The following DUOX2 variants were observed in gnomAD, a reference collection of about 807,000 sequenced individuals.
DUOX2 encodes NADH/NADPH thyroid oxidase p138-tox.
In DUOX2, 185 loss-of-function variants were observed where a neutral mutation model predicts 183.3. That is an observed-to-expected ratio of 1.01 (90% CI 0.90 to 1.14). The LOEUF is 1.14. Among genes scored for constraint, DUOX2 ranks in the 50% most tolerant of loss-of-function variants. The probability of loss-of-function intolerance (pLI) is 0.00; values close to 1 mark genes in which losing one functional copy is unlikely to be tolerated. For missense variants in DUOX2, 1,999 were observed against 2,022.9 expected (o/e 0.99, Z 0.23); for synonymous variants, 788 against 812.4 (o/e 0.97, Z 0.51).
chr15:45,096,797 C>T (rs1331742096), intron 29 of DUOX2, among the ~76,000 whole-genome samples: 1 of 152,058 alleles, frequency 6.6e-6, no homozygotes, highest in African/African-American at 2.4e-5. Context: ...CATCTTTTGC[C>T]ACCCTCTATG....
At chr15:45,107,542 T>C in intron 13 of DUOX2, 79 bp from the exon 14 acceptor site, 1 of 1,479,612 alleles carries the variant, frequency 6.8e-7, no homozygotes, top group Non-Finnish European at 9.4e-7. Context: ...AGGACCCAGG[T>C]GAGAAAAGAG....
At position 45,101,220 on chromosome 15, in the gene DUOX2, C is replaced by T. The variant is rs146664125; in HGVS notation, c.2906G>A (p.Arg969Gln). The T allele has an allele frequency of 6.9e-4, 1,109 of 1,613,710 alleles. 2 individuals carry two copies. The highest frequency in any genetic ancestry group is 8.0e-4 in the Non-Finnish European group (946 of 1,179,904). The stretch of plus-strand genomic sequence containing the variant: ...TCCTGCTCACCGCTCCCCAGGTGTC[C>T]GAGTGATGAACGAGACTCGACAGCT... ...NISCRVSFIT[R>Q]TPGERSHPQG... Residue 969 changes from arginine (R) to glutamine (Q), a missense_variant, in exon 22 of 34, where the codon CGG becomes CAG. Around this residue, in one of 3 missense-constraint regions of DUOX2, gnomAD observed 1,628 missense variants for 1,608.6 expected, o/e 1.01. Coordinates refer to ENST00000389039, the MANE Select transcript of DUOX2 (RefSeq NM_001363711.2).
chr15:45,108,799 A>G lies in DUOX2; in HGVS notation c.1388T>C (p.Val463Ala), dbSNP rs759477611. 4 of 1,614,254 alleles carry G rather than the reference A, an allele frequency of 2.5e-6. No individual in the cohort carries two copies. The South Asian group carries it at 4.4e-5, about 18-fold the overall frequency. The change falls in exon 12 of 34, where the codon GTG becomes GCG. Residue 463 changes from valine to alanine, a missense_variant. This residue lies in a region of DUOX2 where 1,628 missense variants were observed against 1,608.6 expected (regional missense o/e 1.01). Transcript: ENST00000389039. The part of the protein sequence containing the change: ...PRNWSDLNPN[V>A]DPQVLEATAA... Reference sequence around the variant, plus strand: ...ATTACTATTCCTGACCTGGGGGTCCACATTAGGGTTGAGATCACTCCAGTT... The same window carrying G: ...ATTACTATTCCTGACCTGGGGGTCCGCATTAGGGTTGAGATCACTCCAGTT...
At chr15:45,101,647 A>C in intron 21 of DUOX2, 146 bp downstream of exon 21, 1 of 1,019,900 alleles carries the variant, frequency 9.8e-7, no homozygotes, top group Non-Finnish European at 1.5e-6. Flanking sequence ...GCACACCTAC[A>C]TGTGCCATCC....
Position 45,109,942 on chromosome 15 carries a change from C to A in DUOX2, c.1079G>T (p.Gly360Val), listed in dbSNP as rs762148198. ...SCHFRKVLNK[G>V]FQSSQALRVC... ...CCTGAGAGCTTGGGAGCTTTGAAAACCCTTGTTCAGGACCTTCCGGAAATG... is the reference window on the plus strand; with the variant it reads ...CCTGAGAGCTTGGGAGCTTTGAAAAACCTTGTTCAGGACCTTCCGGAAATG... Residue 360 changes from glycine (G) to valine (V), a missense_variant, in exon 10 of 34, where the codon GGT (glycine) becomes GTT (valine). This residue lies in a region of DUOX2 where 1,628 missense variants were observed against 1,608.6 expected (regional missense o/e 1.01). Coordinates refer to ENST00000389039, the MANE Select transcript of DUOX2 (RefSeq NM_001363711.2). 2 of 1,614,076 alleles carry A rather than the reference C, an allele frequency of 1.2e-6. No individual in the cohort carries two copies. Among genetic ancestry groups the A allele is most frequent in the Non-Finnish European group, 1.7e-6 (2 of 1,179,988 alleles).
intron 4 of DUOX2, 87 bp downstream of exon 4, chr15:45,112,467 C>A: frequency 6.4e-7 from 1 of 1,551,396 alleles, no homozygotes; most frequent in East Asian, 2.3e-5. Flanking sequence ...GATGGGTCTC[C>A]TGTGGACTCG....
intron 22 of DUOX2, 132 bp downstream of exon 22, chr15:45,101,073 T>C (rs1414944272): frequency 2.4e-6 from 2 of 838,220 alleles, no homozygotes; most frequent in East Asian, 5.3e-5. Context: ...CTGGAATGTT[T>C]GTGCTACCAT....
In DUOX2 at chr15:45,095,080, G is replaced by A. The variant is rs763971157; in HGVS notation, c.4251C>T (p.Ile1417=). The change falls in exon 32 of 34, where the codon ATC becomes ATT. Residue 1417 remains isoleucine (I), a synonymous_variant. Coordinates refer to ENST00000389039, the MANE Select transcript of DUOX2 (RefSeq NM_001363711.2). ...ACTGACGCTGGGTCCGTGTCACCCA[G>A]ATGAAGTAGATCTGGGGACACAGGG... ...SQMLCKKIYF[I]WVTRTQRQFE... 6.2e-6 allele frequency: 10 copies of A among 1,613,780 alleles called. No homozygotes were observed. Among genetic ancestry groups the A allele is most frequent in the Non-Finnish European group, 8.5e-6 (10 of 1,179,998 alleles).
chr15:45,106,605 C>T lies in DUOX2; in HGVS notation c.1868G>A (p.Arg623Gln), dbSNP rs368645273. 24 of 1,614,022 alleles carry T rather than the reference C, an allele frequency of 1.5e-5. No individual in the cohort carries two copies. In the East Asian group the frequency reaches 2.5e-4, roughly 16 times the overall value. The change falls in exon 16 of 34, where the codon CGG becomes CAG. Residue 623 changes from arginine (R) to glutamine (Q), a missense_variant. Around this residue, in one of 3 missense-constraint regions of DUOX2, gnomAD observed 1,628 missense variants for 1,608.6 expected, o/e 1.01. Coordinates refer to ENST00000389039, the MANE Select transcript of DUOX2 (RefSeq NM_001363711.2). ...LLLSGVVAYF[R>Q]GREHKKLQKK... ...TTGTAGCTTCTTGTGTTCTCGGCCCCGGAAATAGGCCACCACTCCAGAGAG... is the reference window on the plus strand; with the variant it reads ...TTGTAGCTTCTTGTGTTCTCGGCCCTGGAAATAGGCCACCACTCCAGAGAG...
chr15:45,099,909 G>T lies in DUOX2; in HGVS notation c.3185-17C>A. The T allele has an allele frequency of 1.2e-6, 2 of 1,613,844 alleles. No individual in the cohort carries two copies. Among genetic ancestry groups the T allele is most frequent in the South Asian group, 2.2e-5 (2 of 91,078 alleles). The stretch of plus-strand genomic sequence containing the variant: ...AGCCATAGTCTGGGGCCGGAGTGAG[G>T]TTACATCAGCTTGGCACAGGTGGCC... On this transcript the variant is annotated splice_polypyrimidine_tract_variant and intron_variant, in intron 24 of 33. Transcript: ENST00000389039.
intron 13 of DUOX2, 97 bp downstream of exon 13, chr15:45,107,948 CTG>C: frequency 7.2e-7 from 1 of 1,392,904 alleles, no homozygotes; most frequent in Non-Finnish European, 1.0e-6. Context: ...GGTGGGCTGA[CTG>C]GGAATCAAGG....
rs530656896 is a variant in DUOX2 at position 45,097,825 on chromosome 15, C to T, written c.3566-84G>A. The T allele has an allele frequency of 1.2e-4, 197 of 1,605,916 alleles. 5 individuals are homozygous for T. The South Asian group carries it at 2.1e-3, about 17-fold the overall frequency. ...GACAACAGCACATTCCCCTATCCTT[C>T]CCTCCTTCCTCTCTCATCCCTCCGG... On this transcript the variant is annotated intron_variant, in intron 27 of 33. Transcript: ENST00000389039.
rs893990906 is a variant in DUOX2, at chr15:45,106,380, G to C, written c.1946-53C>G. On this transcript the variant is annotated intron_variant, in intron 16 of 33. Coordinates refer to ENST00000389039, the MANE Select transcript of DUOX2 (RefSeq NM_001363711.2). ...GTTCAGCAGATGTCCCCAGGTCCCC[G>C]CCTTCAGGTCAATTCCTCTGTGAGT... 1.7e-5 allele frequency: 27 copies of C among 1,605,092 alleles called. 1 individual carries two copies. The highest frequency in any genetic ancestry group is 3.3e-5 in the Admixed American group (2 of 59,930).
chr15:45,108,068 C>A lies in DUOX2; in HGVS notation c.1553G>T (p.Trp518Leu), dbSNP rs763273601. The A allele has an allele frequency of 2.8e-5, 45 of 1,613,862 alleles. No homozygotes were observed. The highest frequency in any genetic ancestry group is 3.5e-5 in the Non-Finnish European group (41 of 1,179,988). ...FVRLRDGDRY[W>L]FENTRNGLFS... is the part of the protein sequence containing the mutation. ...TTACCCATTCCTGGTGTTCTCAAAC[C>A]AGTAGCGGTCACCATCCCGCAGCCG... Residue 518 changes from tryptophan to leucine, a missense_variant, in exon 13 of 34, where the codon TGG becomes TTG. By Grantham distance (61) the Trp-to-Leu change is moderately conservative (BLOSUM62 -2). Transcript: ENST00000389039.
Position 45,093,976 on chromosome 15 carries a change from T to C in DUOX2, c.*174A>G. 2 of 813,076 alleles carry C rather than the reference T, an allele frequency of 2.5e-6. No individual in the cohort carries two copies. Among genetic ancestry groups the C allele is most frequent in the Non-Finnish European group, 4.0e-6 (2 of 501,554 alleles). 50.4% of individuals were successfully genotyped at this position (813,076 alleles called of 1,614,324 possible). ...TTGTAGAACATAGTCTCCTGCCTTT[T>C]CTCATTTGTATAATTGTCTGGGTCA... On this transcript the variant is annotated 3_prime_UTR_variant, in exon 34 of 34. Transcript: ENST00000389039.
intron 26 of DUOX2, chr15:45,099,177 A>T: frequency 2.2e-6 from 1 of 454,418 alleles, no homozygotes; most frequent in East Asian, 4.5e-5. Flanking sequence ...CGCCCGGCTA[A>T]TTTTTTGTAT....
chr15:45,112,800 C>T lies in DUOX2; in HGVS notation c.161-82G>A, dbSNP rs796147165. ...AACCTCTCCCTAAGCCTCCCTCAAC[C>T]CCCATCCCACTTCACTGACAGAACC... On this transcript the variant is annotated intron_variant, in intron 3 of 33. Transcript: ENST00000389039. 13 of 1,592,332 alleles carry T rather than the reference C, an allele frequency of 8.2e-6. No individual in the cohort carries two copies. The African/African-American group carries it at 1.7e-4, about 21-fold the overall frequency.
chr15:45,099,998 C>T, intron 24 of DUOX2, 52 bp downstream of exon 24: 3 of 1,613,918 alleles, frequency 1.9e-6, no homozygotes, highest in South Asian at 1.1e-5. Flanking sequence ...CCACTCCTCT[C>T]CAAGGGTCAG....
rs1894327632 is a variant in DUOX2, at chr15:45,109,751, C to T, written c.1132-125G>A. The T allele has an allele frequency of 4.6e-6, 6 of 1,309,502 alleles. No homozygotes were observed. The Admixed American group carries it at 7.1e-5, about 15-fold the overall frequency. 81.1% of individuals were successfully genotyped at this position (1,309,502 alleles called of 1,614,324 possible). On this transcript the variant is annotated intron_variant, in intron 10 of 33. Coordinates refer to ENST00000389039, the MANE Select transcript of DUOX2 (RefSeq NM_001363711.2). ...GTCCCAGACTCTCTTGAACTGTTGT[C>T]CCCGGATAATTTCCTCTACCCTTCA...
Sources: gnomAD v4.1 joint callset for allele counts (sites outside exome capture counted in the v4.1 genomes callset) on GRCh38, gnomAD v4.1.1 for gene constraint, gnomAD v4.1.1 regional missense constraint, MANE v1.5 for transcripts, NCBI Gene and HGNC (gene_info 2026-07-23, HGNC 2026-07-21) for gene names.